The following RGS6 variants were observed in gnomAD, a reference collection of about 807,000 sequenced individuals.
The protein encoded by RGS6 is regulator of G protein signaling 6, also known as regulator of G-protein signaling 6.
Under a neutral mutation model 78.5 loss-of-function variants are expected in RGS6, and 30 were observed. The ratio of observed to expected loss-of-function variants is 0.38; its 90% CI spans 0.29 to 0.52. The LOEUF (loss-of-function observed/expected upper bound fraction) is 0.52, where lower values mean the gene tolerates loss of function less well. Ranked by LOEUF, RGS6 falls within the 20% of genes least tolerant of loss-of-function variation. The pLI is 0.85. For synonymous variants in RGS6, 206 were observed against 206.0 expected, an observed-to-expected ratio of 1.00 and a Z score of 0.00; for missense variants, 495 against 609.7, an observed-to-expected ratio of 0.81 and a Z score of 1.98.
At chr14:72,353,544 T>C (rs1374533549) in intron 3 of RGS6, among the ~76,000 whole-genome samples, 1 of 152,190 alleles carries the variant, frequency 6.6e-6, no homozygotes, top group Non-Finnish European at 1.5e-5. Context: ...ATTAGATCAG[T>C]GGTTTCCAGC....
Position 71,992,779 on chromosome 14 carries a change from A to G in RGS6, c.84+27904A>G, listed in dbSNP as rs147142719. Among the ~76,000 whole-genome samples, 50 of 152,356 alleles carry G rather than the reference A, an allele frequency of 3.3e-4. 1 individual carries two copies. Among genetic ancestry groups the G allele is most frequent in the African/African-American group, 1.1e-3 (46 of 41,588 alleles). ...GGCCAACTTATATTTCTTGAGTGGTATATAGCAGGGCTGTGTTTCTACACC... is the reference window on the plus strand; with the variant it reads ...GGCCAACTTATATTTCTTGAGTGGTGTATAGCAGGGCTGTGTTTCTACACC... On this transcript the variant is annotated intron_variant, in intron 2 of 17. Transcript: ENST00000553525.
At chr14:72,284,354 A>T (rs2062110427) in intron 2 of RGS6, among the ~76,000 whole-genome samples, 1 of 103,790 alleles carries the variant, frequency 9.6e-6, no homozygotes, top group Admixed American at 1.0e-4. Context: ...TAGGAGGAAA[A>T]AATGGCCCCC....
chr14:71,931,635 A>G (rs1288923690), upstream of RGS6, among the ~76,000 whole-genome samples: 1 of 152,198 alleles, frequency 6.6e-6, no homozygotes, highest in African/African-American at 2.4e-5. Context: ...TGATATTGAT[A>G]GCATTGATAT....
At chr14:72,464,833 G>A (rs2095861775) in intron 6 of RGS6, 2 of 152,202 alleles carry the variant, frequency 1.3e-5, no homozygotes, top group Admixed American at 6.5e-5. Context: ...CCTTTCCATA[G>A]CCTTTTTACT....
chr14:72,263,944 G>A (rs2058606584), intron 2 of RGS6, among the ~76,000 whole-genome samples: 2 of 152,206 alleles, frequency 1.3e-5, no homozygotes, highest in South Asian at 4.1e-4. Context: ...CTGGAACTCA[G>A]TTTCTAATTT....
intron 3 of RGS6, among the ~76,000 whole-genome samples, chr14:72,363,514 T>A (rs566874730): frequency 1.8e-4 from 27 of 152,336 alleles, no homozygotes; most frequent in Middle Eastern, 3.4e-3. Flanking sequence ...GCAGGATCTG[T>A]TCCTCTGGGC....
chr14:72,257,568 T>A (rs2057331303), intron 2 of RGS6, among the ~76,000 whole-genome samples: 1 of 152,218 alleles, frequency 6.6e-6, no homozygotes, highest in Non-Finnish European at 1.5e-5. Context: ...ATGTGATGTG[T>A]TCACTAGAAG....
intron 3 of RGS6, among the ~76,000 whole-genome samples, chr14:72,412,769 C>G (rs1350626819): frequency 6.6e-6 from 1 of 151,916 alleles, no homozygotes; most frequent in East Asian, 1.9e-4. Context: ...TATGTTGTGT[C>G]TTTGTTCTCT....
chr14:72,251,927 A>G (rs966213853), intron 2 of RGS6, among the ~76,000 whole-genome samples: 2 of 152,200 alleles, frequency 1.3e-5, no homozygotes, highest in African/African-American at 4.8e-5. Flanking sequence ...GGCCTTATAC[A>G]TTTTCTAATG....
chr14:72,058,463 A>T (rs2093727737), intron 2 of RGS6, among the ~76,000 whole-genome samples: 1 of 151,962 alleles, frequency 6.6e-6, no homozygotes, highest in Non-Finnish European at 1.5e-5. Flanking sequence ...TCCATTAATT[A>T]ATTTATTCTT....
chr14:72,135,760 T>C (rs1017431165), intron 2 of RGS6, among the ~76,000 whole-genome samples: 3 of 152,096 alleles, frequency 2.0e-5, no homozygotes, highest in African/African-American at 4.8e-5. Flanking sequence ...CAACAGATGG[T>C]TATATGGTGC....
the RGS6 span, among the ~76,000 whole-genome samples, chr14:71,909,911 G>C: frequency 6.6e-6 from 1 of 152,192 alleles, no homozygotes; most frequent in African/African-American, 2.4e-5. Context: ...AAGCAGACCA[G>C]GTGCGGTGGC....
intron 2 of RGS6, among the ~76,000 whole-genome samples, chr14:72,228,415 C>T (rs1473637007): frequency 6.6e-6 from 1 of 151,966 alleles, no homozygotes; most frequent in African/African-American, 2.4e-5. Flanking sequence ...AATAAAAATA[C>T]AGAAGTAGGT....
chr14:72,211,895 T>C (rs2044261287), intron 2 of RGS6, among the ~76,000 whole-genome samples: 2 of 152,214 alleles, frequency 1.3e-5, no homozygotes, highest in South Asian at 2.1e-4. Flanking sequence ...CGTGAAGATA[T>C]GTGCAATTAA....
intron 2 of RGS6, among the ~76,000 whole-genome samples, chr14:72,313,138 T>C (rs538881380): frequency 2.0e-5 from 3 of 152,326 alleles, no homozygotes; most frequent in African/African-American, 7.2e-5. Flanking sequence ...ACATCTTCAG[T>C]TGGGGATAGC....
chr14:71,958,859 T>C (rs558026465), intron 1 of RGS6, among the ~76,000 whole-genome samples: 19 of 152,282 alleles, frequency 1.2e-4, no homozygotes, highest in Non-Finnish European at 1.8e-4. Flanking sequence ...TTCTGGAGCA[T>C]GGGAACCGGG....
At chr14:72,339,144 T>C (rs894601187) in intron 2 of RGS6, among the ~76,000 whole-genome samples, 2 of 152,178 alleles carry the variant, frequency 1.3e-5, no homozygotes, top group African/African-American at 4.8e-5. Flanking sequence ...CCAAAATTCA[T>C]ATGTTGAAAC....
At chr14:71,875,409 T>C in the RGS6 span, among the ~76,000 whole-genome samples, 2 of 152,228 alleles carry the variant, frequency 1.3e-5, no homozygotes. Flanking sequence ...CCATTTCTTC[T>C]AGATTTTCTA....
At position 72,497,629 on chromosome 14, in the gene RGS6, C is replaced by T. The variant is rs139852420; in HGVS notation, c.965+2367C>T. On this transcript the variant is annotated intron_variant, in intron 13 of 17. Coordinates refer to ENST00000553525, the MANE Select transcript of RGS6 (RefSeq NM_001204424.2). ...TGAAGTATATAAAATAGTGAAGTTA[C>T]CTTTGCCTCCCTTAAATCCCATTCT... Among the ~76,000 whole-genome samples the T allele has an allele frequency of 4.9e-3, 750 of 152,168 alleles. 1 individual carries two copies. Among genetic ancestry groups the T allele is most frequent in the Non-Finnish European group, 8.3e-3 (567 of 67,960 alleles).
Sources: gnomAD v4.1 joint callset for allele counts (sites outside exome capture counted in the v4.1 genomes callset) on GRCh38, gnomAD v4.1.1 for gene constraint, MANE v1.5 for transcripts, NCBI Gene and HGNC (gene_info 2026-07-23, HGNC 2026-07-21) for gene names.